BACE2: variants seen among roughly 807,000 people sequenced by gnomAD.
BACE2 encodes the protein beta-secretase 2, also known as 56 kDa aspartic-like protease.
A neutral mutation model predicts 46.2 loss-of-function variants in BACE2; 17 were observed. The ratio of observed to expected loss-of-function variants is 0.37; its 90% CI spans 0.25 to 0.55. The LOEUF is 0.55. Ranked by LOEUF, BACE2 falls within the 20% of genes least tolerant of loss-of-function variation. The pLI is 0.82. For missense variants in BACE2, 595 were observed against 698.1 expected, an observed-to-expected ratio of 0.85 and a Z score of 1.66; for synonymous variants, 277 against 295.9, an observed-to-expected ratio of 0.94 and a Z score of 0.66.
chr21:41,206,038 T>G (rs1167048770), intron 1 of BACE2, among the ~76,000 whole-genome samples: 1 of 152,206 alleles, frequency 6.6e-6, no homozygotes, highest in Non-Finnish European at 1.5e-5. Context: ...CAAGTGTCTG[T>G]GGACAGTTGA....
intron 1 of BACE2, among the ~76,000 whole-genome samples, chr21:41,222,508 C>T (rs1013809176): frequency 6.6e-6 from 1 of 152,228 alleles, no homozygotes; most frequent in South Asian, 2.1e-4. Flanking sequence ...ATGTCTGGGG[C>T]TTTCACGGAG....
At chr21:41,197,142 G>A (rs1985762816) in intron 1 of BACE2, among the ~76,000 whole-genome samples, 1 of 151,782 alleles carries the variant, frequency 6.6e-6, no homozygotes, top group African/African-American at 2.4e-5. Context: ...TTAGTTTTTT[G>A]TAGGGATGGG....
intron 1 of BACE2, among the ~76,000 whole-genome samples, chr21:41,213,606 C>G (rs1290722830): frequency 6.6e-5 from 10 of 152,208 alleles, no homozygotes; most frequent in African/African-American, 2.4e-4. Flanking sequence ...AACCCCGTCT[C>G]TACTAAAATA....
chr21:41,179,548 G>C, intron 1 of BACE2: 11 of 1,366,888 alleles, frequency 8.0e-6, no homozygotes, highest in Non-Finnish European at 1.1e-5. Context: ...AGGGTGTCAG[G>C]GTGAGTGAGG....
chr21:41,189,921 T>C lies in BACE2; in HGVS notation c.312+21346T>C, dbSNP rs113035018. Among the ~76,000 whole-genome samples, 1,162 of 152,266 alleles carry C rather than the reference T, an allele frequency of 7.6e-3. 11 individuals are homozygous for C. The highest frequency in any genetic ancestry group is 0.026 in the African/African-American group (1,095 of 41,562). ...CAGTCTGAGTCTCAAAACTGAAGAA[T>C]TTGGAGTCCAGTGTTCAAGGGCAGG... On this transcript the variant is annotated intron_variant, in intron 1 of 8. Coordinates refer to ENST00000330333, the MANE Select transcript of BACE2 (RefSeq NM_012105.5).
At chr21:41,248,683 AC>A (rs1423693639) in intron 6 of BACE2, among the ~76,000 whole-genome samples, 1 of 152,250 alleles carries the variant, frequency 6.6e-6, no homozygotes, top group Non-Finnish European at 1.5e-5. Context: ...GGATGGATGA[AC>A]CAACCACAGG....
chr21:41,217,277 A>G (rs1002015448), intron 1 of BACE2, among the ~76,000 whole-genome samples: 12 of 152,248 alleles, frequency 7.9e-5, no homozygotes, highest in African/African-American at 2.6e-4. Context: ...AAGAAAACGT[A>G]TTTCCTACTG....
intron 1 of BACE2, among the ~76,000 whole-genome samples, chr21:41,191,093 C>G (rs1013839926): frequency 1.3e-5 from 2 of 152,184 alleles, no homozygotes; most frequent in African/African-American, 2.4e-5. Context: ...ACTTCCAACC[C>G]TTGATTCCTG....
chr21:41,203,630 C>T (rs758840566), intron 1 of BACE2, among the ~76,000 whole-genome samples: 16 of 152,140 alleles, frequency 1.1e-4, no homozygotes, highest in Non-Finnish European at 2.1e-4. Context: ...GGCCCAGAGA[C>T]ACCTGAATTT....
chr21:41,201,974 G>A (rs1453271074), intron 1 of BACE2, among the ~76,000 whole-genome samples: 4 of 152,192 alleles, frequency 2.6e-5, no homozygotes, highest in Non-Finnish European at 4.4e-5. Flanking sequence ...CCTGGTGTTG[G>A]ATGAACAGAG....
chr21:41,198,848 TTTTTA>T (rs906340286), intron 1 of BACE2, among the ~76,000 whole-genome samples: 1 of 146,590 alleles, frequency 6.8e-6, no homozygotes, highest in African/African-American at 2.6e-5. Context: ...CTCTGTACGC[TTTTTA>T]TTTATTTATT....
chr21:41,188,245 C>G (rs1380514982), intron 1 of BACE2, among the ~76,000 whole-genome samples: 1 of 152,160 alleles, frequency 6.6e-6, no homozygotes, highest in Non-Finnish European at 1.5e-5. Context: ...CATGTCAGAG[C>G]TGGTGCTTCA....
At chr21:41,226,749 G>T (rs1481289009) in intron 2 of BACE2, among the ~76,000 whole-genome samples, 1 of 152,202 alleles carries the variant, frequency 6.6e-6, no homozygotes, top group Non-Finnish European at 1.5e-5. Context: ...TCTGGCCGAG[G>T]GTGTGGGTTT....
At chr21:41,244,875 G>A (rs1040884554) in intron 5 of BACE2, among the ~76,000 whole-genome samples, 1 of 151,898 alleles carries the variant, frequency 6.6e-6, no homozygotes, top group Non-Finnish European at 1.5e-5. Flanking sequence ...GTGTGTGTGT[G>A]TGTGTGAGTG....
chr21:41,175,087 CAA>C (rs763034508), intron 1 of BACE2: 1 of 151,656 alleles, frequency 6.6e-6, no homozygotes, highest in Non-Finnish European at 1.5e-5. Flanking sequence ...CTACTCAATA[CAA>C]AAAAAAGTGG....
At chr21:41,194,520 A>G (rs1288499485) in intron 1 of BACE2, among the ~76,000 whole-genome samples, 1 of 152,136 alleles carries the variant, frequency 6.6e-6, no homozygotes, top group African/African-American at 2.4e-5. Context: ...GAAAGCTTAT[A>G]TTTTCCTGAT....
intron 1 of BACE2, among the ~76,000 whole-genome samples, chr21:41,218,570 T>A (rs1265308411): frequency 1.3e-5 from 2 of 152,062 alleles, no homozygotes; most frequent in African/African-American, 4.8e-5. Context: ...GTGGGAAATA[T>A]GGGTATCAAA....
rs781596817 is a variant in BACE2 at position 41,237,583 on chromosome 21, G to T, written c.472G>T (p.Val158Phe). Residue 158 changes from valine to phenylalanine, a missense_variant, in exon 3 of 9, where the codon GTT becomes TTT. Around this residue, in one of 3 missense-constraint regions of BACE2, gnomAD observed 248 missense variants for 261.4 expected, o/e 0.95. Transcript: ENST00000330333. ...KYTQGSWTGFVGEDLVTIPKG... is the reference protein window; with the variant it reads ...KYTQGSWTGFFGEDLVTIPKG... ...CACACAAGGAAGCTGGACGGGCTTC[G>T]TTGGGGAAGACCTCGTCACCATCCC... 6.2e-7 allele frequency: 1 copy of T among 1,614,104 alleles called. No homozygotes were observed. Among genetic ancestry groups the T allele is most frequent in the Non-Finnish European group, 8.5e-7 (1 of 1,180,040 alleles).
At chr21:41,169,356 TAAAATC>T (rs1984514651) in intron 1 of BACE2, among the ~76,000 whole-genome samples, 1 of 149,674 alleles carries the variant, frequency 6.7e-6, no homozygotes, top group Admixed American at 6.7e-5. Flanking sequence ...AACACAAAAA[TAAAATC>T]AAACAGCTTT....
Sources: allele counts gnomAD v4.1 joint callset (sites outside exome capture counted in the v4.1 genomes callset), GRCh38; gene constraint gnomAD v4.1.1; regional missense constraint gnomAD v4.1.1; transcripts MANE v1.5; gene names NCBI Gene and HGNC (gene_info 2026-07-23, HGNC 2026-07-21).